DIAPH3: variants seen among roughly 807,000 people sequenced by gnomAD.
The protein encoded by DIAPH3 is protein diaphanous homolog 3.
A neutral mutation model predicts 144.3 loss-of-function variants in DIAPH3; 117 were observed. The ratio of observed to expected loss-of-function variants is 0.81; its 90% CI spans 0.70 to 0.95. The LOEUF (loss-of-function observed/expected upper bound fraction) is 0.95. Ranked by LOEUF, DIAPH3 falls within the 40% of genes least tolerant of loss-of-function variation. The pLI, the probability that DIAPH3 is intolerant of heterozygous loss-of-function variation, is 0.00. For missense variants in DIAPH3, 1,421 were observed against 1,412.7 expected, an observed-to-expected ratio of 1.01 and a Z score of -0.09; for synonymous variants, 519 against 488.9, an observed-to-expected ratio of 1.06 and a Z score of -0.81.
At chr13:59,989,314 A>G (rs977096061) in intron 12 of DIAPH3, among the ~76,000 whole-genome samples, 14 of 152,006 alleles carry the variant, frequency 9.2e-5, no homozygotes, top group African/African-American at 3.1e-4. Flanking sequence ...TGACAAAAAT[A>G]TATGTAAATT....
intron 27 of DIAPH3, among the ~76,000 whole-genome samples, chr13:59,700,084 G>A (rs1767509107): frequency 2.0e-5 from 3 of 152,078 alleles, no homozygotes; most frequent in South Asian, 4.1e-4. Context: ...CTTTTCTTCT[G>A]AAAGAAAAAA....
intron 21 of DIAPH3, among the ~76,000 whole-genome samples, chr13:59,876,533 T>C (rs2044641848): frequency 6.6e-6 from 1 of 152,232 alleles, no homozygotes; most frequent in African/African-American, 2.4e-5. Flanking sequence ...AGGATGTCTA[T>C]TTATTTTCAA....
chr13:59,795,662 C>T (rs2039562121), intron 25 of DIAPH3, among the ~76,000 whole-genome samples: 2 of 151,848 alleles, frequency 1.3e-5, no homozygotes, highest in Admixed American at 1.3e-4. Flanking sequence ...ACTGTGCGTG[C>T]TAAGATGGTC....
At chr13:60,061,484 G>T (rs555124632) in intron 4 of DIAPH3, among the ~76,000 whole-genome samples, 4 of 151,868 alleles carry the variant, frequency 2.6e-5, no homozygotes, top group Non-Finnish European at 1.5e-5. Flanking sequence ...AGACAAAGAG[G>T]CACGTTCAGG....
At position 59,871,881 on chromosome 13, in the gene DIAPH3, T is replaced by C. The variant is rs1593769706; in HGVS notation, c.2607+7348A>G. ...GTTATCACATTTGTAGGCTTGGTTG[T>C]GTTAATAATATTCTTCCGTTATCTT... On this transcript the variant is annotated intron_variant, in intron 21 of 27. Transcript: ENST00000400324. Among the ~76,000 whole-genome samples the C allele has an allele frequency of 2.0e-5, 3 of 152,352 alleles. No individual in the cohort carries two copies. In the South Asian group the frequency reaches 6.2e-4, roughly 32 times the overall value.
At chr13:59,944,213 CA>C (rs148198800) in intron 17 of DIAPH3, among the ~76,000 whole-genome samples, 11,107 of 142,402 alleles carry the variant, frequency 0.078, 458 homozygotes, top group Admixed American at 0.11. Context: ...GACACTGTCT[CA>C]AAAAAAAAAA....
At chr13:59,753,593 G>T (rs535403988) in intron 27 of DIAPH3, among the ~76,000 whole-genome samples, 1 of 152,170 alleles carries the variant, frequency 6.6e-6, no homozygotes, top group East Asian at 1.9e-4. Flanking sequence ...TTTAATTTTT[G>T]ATCATAATTA....
chr13:59,918,135 A>G (rs2047319571), intron 18 of DIAPH3, among the ~76,000 whole-genome samples: 1 of 151,532 alleles, frequency 6.6e-6, no homozygotes, highest in Non-Finnish European at 1.5e-5. Context: ...AATACTAAAA[A>G]AGATACATTG....
chr13:59,774,701 G>A, intron 26 of DIAPH3, 27 bp downstream of exon 26: 1 of 1,596,158 alleles, frequency 6.3e-7, no homozygotes, highest in Middle Eastern at 1.7e-4. Flanking sequence ...TCCCTAGAAA[G>A]TAACATGAAA....
At chr13:60,156,936 TA>T (rs1566833939) in intron 1 of DIAPH3, among the ~76,000 whole-genome samples, 11 of 54,740 alleles carry the variant, frequency 2.0e-4, no homozygotes, top group African/African-American at 8.8e-4. Flanking sequence ...TATATATATA[TA>T]TATTTTTTTT....
chr13:59,814,210 C>T (rs2040645451), intron 24 of DIAPH3, among the ~76,000 whole-genome samples: 1 of 152,124 alleles, frequency 6.6e-6, no homozygotes, highest in African/African-American at 2.4e-5. Flanking sequence ...AATCTGCTAT[C>T]AGATATAATT....
At chr13:59,735,400 G>A (rs1242365996) in intron 27 of DIAPH3, among the ~76,000 whole-genome samples, 1 of 152,172 alleles carries the variant, frequency 6.6e-6, no homozygotes, top group African/African-American at 2.4e-5. Flanking sequence ...ACCTTACTAT[G>A]CAATCTTCAA....
intron 4 of DIAPH3, among the ~76,000 whole-genome samples, chr13:60,048,011 G>A (rs775748244): frequency 1.4e-4 from 22 of 152,308 alleles, no homozygotes; most frequent in Middle Eastern, 3.4e-3. Flanking sequence ...TGCATGTGTT[G>A]GGTCCCTAAC....
intron 24 of DIAPH3, among the ~76,000 whole-genome samples, chr13:59,813,682 C>T (rs1441741799): frequency 2.6e-5 from 4 of 151,576 alleles, no homozygotes; most frequent in Admixed American, 6.6e-5. Context: ...GGTGAAACCC[C>T]GTCTCTACTA....
intron 2 of DIAPH3, among the ~76,000 whole-genome samples, chr13:60,116,532 C>T (rs949184038): frequency 2.6e-5 from 4 of 151,852 alleles, no homozygotes; most frequent in Admixed American, 6.6e-5. Flanking sequence ...CATTTCTGTA[C>T]GGATAATATC....
chr13:59,837,053 C>T (rs1008922293), intron 23 of DIAPH3, among the ~76,000 whole-genome samples: 1 of 151,230 alleles, frequency 6.6e-6, no homozygotes, highest in African/African-American at 2.5e-5. Flanking sequence ...ACTAGTATGT[C>T]TAACTAAGAT....
intron 4 of DIAPH3, among the ~76,000 whole-genome samples, chr13:60,053,691 A>G (rs528634790): frequency 7.6e-4 from 116 of 152,234 alleles, no homozygotes; most frequent in Non-Finnish European, 1.2e-3. Context: ...TATTCAGTGT[A>G]TGTTCACTCA....
intron 9 of DIAPH3, among the ~76,000 whole-genome samples, chr13:59,993,701 T>TGAAAAAAAAAAA: frequency 5.1e-5 from 1 of 19,486 alleles, no homozygotes; most frequent in Non-Finnish European, 1.1e-4. Context: ...AGAAACATAC[T>TGAAAAAAAAAAA]TAAAAAAAAA....
intron 9 of DIAPH3, among the ~76,000 whole-genome samples, chr13:60,005,931 T>C (rs184996502): frequency 1.3e-5 from 2 of 152,332 alleles, no homozygotes; most frequent in Non-Finnish European, 2.9e-5. Flanking sequence ...TATAGAATAG[T>C]AACCTATAAA....
Sources: gnomAD v4.1 joint callset for allele counts (sites outside exome capture counted in the v4.1 genomes callset) on GRCh38, gnomAD v4.1.1 for gene constraint, MANE v1.5 for transcripts, NCBI Gene and HGNC (gene_info 2026-07-23, HGNC 2026-07-21) for gene names.